The following NBEA variants were observed in gnomAD, a reference collection of about 807,000 sequenced individuals.
The protein encoded by NBEA is neurobeachin.
In NBEA, 44 loss-of-function variants were observed where a neutral mutation model predicts 343.4. The observed-to-expected ratio is 0.13, with a 90% CI of 0.10 to 0.16. The LOEUF is 0.16. Among genes scored for constraint, NBEA ranks in the 10% least tolerant of loss-of-function variants. The probability of loss-of-function intolerance (pLI) is 1.00; values close to 1 mark genes in which losing one functional copy is unlikely to be tolerated. For synonymous variants in NBEA, 1,175 were observed against 1,238.7 expected (o/e 0.95, Z 1.08); for missense variants, 2,555 against 3,631.3 (o/e 0.70, Z 7.62).
rs1218041280 is a variant in NBEA at position 35,069,825 on chromosome 13, T to C, written c.1240-83T>C. 9.5e-6 allele frequency: 9 copies of C among 952,046 alleles called. No individual in the cohort carries two copies. In the East Asian group the frequency reaches 1.9e-4, roughly 20 times the overall value. The allele number at this position is 952,046 out of a possible 1,614,324, so 59.0% of individuals were successfully genotyped here. A position where few individuals can be genotyped will look rare whatever the true frequency, so the allele number is the denominator to read the frequency against. On this transcript the variant is annotated intron_variant, in intron 8 of 58. Coordinates refer to ENST00000379939, the MANE Select transcript of NBEA (RefSeq NM_001385012.1). ...TGAAAGGTACACAAGTAGTTTATTA[T>C]TGTAAATGTTTCTCTGCTTTAAAAC...
chr13:34,963,295 T>C (rs908265629), intron 1 of NBEA, among the ~76,000 whole-genome samples: 3 of 152,036 alleles, frequency 2.0e-5, no homozygotes, highest in Non-Finnish European at 4.4e-5. Flanking sequence ...TTTGTCTTCA[T>C]ATGTGCTTTC....
At chr13:35,223,311 T>A (rs1369947819) in intron 33 of NBEA, among the ~76,000 whole-genome samples, 1 of 152,218 alleles carries the variant, frequency 6.6e-6, no homozygotes, top group East Asian at 1.9e-4. Context: ...TTAAAAGTAT[T>A]CGTAGTACAA....
chr13:35,112,061 C>A (rs963687790), intron 13 of NBEA, among the ~76,000 whole-genome samples: 3 of 151,510 alleles, frequency 2.0e-5, no homozygotes, highest in East Asian at 3.9e-4. Flanking sequence ...GGACTACAGG[C>A]GCCTGCCAGC....
At chr13:35,566,229 CG>C (rs747288376) in intron 44 of NBEA, among the ~76,000 whole-genome samples, 17 of 151,980 alleles carry the variant, frequency 1.1e-4, no homozygotes, top group Admixed American at 2.6e-4. Flanking sequence ...GGTGCGGTGG[CG>C]CGTGCCTGTA....
At chr13:34,965,371 T>TGAA (rs2152494584) in intron 1 of NBEA, among the ~76,000 whole-genome samples, 1 of 151,992 alleles carries the variant, frequency 6.6e-6, no homozygotes, top group African/African-American at 2.4e-5. Context: ...TGTGACTGAG[T>TGAA]GAAAGTGTGT....
At chr13:35,437,190 G>A (rs979876216) in intron 39 of NBEA, among the ~76,000 whole-genome samples, 4 of 152,012 alleles carry the variant, frequency 2.6e-5, no homozygotes, top group African/African-American at 7.2e-5. Context: ...ATTTTCATGT[G>A]ATGGGAAGGA....
intron 31 of NBEA, among the ~76,000 whole-genome samples, chr13:35,204,273 G>A (rs903390894): frequency 2.6e-5 from 4 of 152,112 alleles, no homozygotes; most frequent in Non-Finnish European, 5.9e-5. Flanking sequence ...GTATTAGTTT[G>A]TTTTCACACT....
intron 45 of NBEA, among the ~76,000 whole-genome samples, chr13:35,580,923 C>G (rs1295365038): frequency 6.6e-6 from 1 of 152,026 alleles, no homozygotes; most frequent in Non-Finnish European, 1.5e-5. Context: ...TTTACTTTTC[C>G]TTTTCCAGAA....
In NBEA at chr13:35,049,749, A is replaced by G. The variant is rs190952226; in HGVS notation, c.846-520A>G. The stretch of plus-strand genomic sequence containing the variant: ...GGAAATGCTCTTGTAGAAGAAAACA[A>G]CTATATTTCATAGTTACATCTTTTT... On this transcript the variant is annotated intron_variant, in intron 5 of 58. Coordinates refer to ENST00000379939, the MANE Select transcript of NBEA (RefSeq NM_001385012.1). Among the ~76,000 whole-genome samples the G allele has an allele frequency of 3.9e-3, 599 of 152,004 alleles. 2 individuals are homozygous for G. The highest frequency in any genetic ancestry group is 6.8e-3 in the Non-Finnish European group (460 of 67,808).
At chr13:35,475,094 T>G in intron 41 of NBEA, 1 of 1,614,058 alleles carries the variant, frequency 6.2e-7, no homozygotes, top group Non-Finnish European at 8.5e-7. Flanking sequence ...TTGGTCAGGA[T>G]CTCTCTTGCC....
At chr13:34,962,058 T>G (rs577980362) in intron 1 of NBEA, among the ~76,000 whole-genome samples, 2 of 152,092 alleles carry the variant, frequency 1.3e-5, no homozygotes, top group Non-Finnish European at 2.9e-5. Context: ...TAATTTCACC[T>G]GTTTTATTTT....
At chr13:35,597,547 T>G (rs982734173) in intron 47 of NBEA, among the ~76,000 whole-genome samples, 3 of 152,112 alleles carry the variant, frequency 2.0e-5, no homozygotes, top group African/African-American at 7.2e-5. Flanking sequence ...TACTGAATAG[T>G]TTTCAAACAT....
At chr13:35,658,371 G>C (rs879309141) in intron 55 of NBEA, among the ~76,000 whole-genome samples, 2 of 152,076 alleles carry the variant, frequency 1.3e-5, no homozygotes, top group Non-Finnish European at 2.9e-5. Flanking sequence ...GTGAACATAC[G>C]TAGTATGGTA....
intron 1 of NBEA, among the ~76,000 whole-genome samples, chr13:34,965,401 C>T (rs2059788873): frequency 6.6e-6 from 1 of 151,942 alleles, no homozygotes; most frequent in African/African-American, 2.4e-5. Flanking sequence ...CACAGTATCA[C>T]AGAGAAGAAA....
At chr13:34,996,424 G>C (rs1238755081) in intron 1 of NBEA, among the ~76,000 whole-genome samples, 1 of 152,000 alleles carries the variant, frequency 6.6e-6, no homozygotes, top group Non-Finnish European at 1.5e-5. Flanking sequence ...GCTAATATCT[G>C]AAATGGTAGT....
At chr13:35,437,040 T>C (rs904018520) in intron 39 of NBEA, among the ~76,000 whole-genome samples, 1 of 152,214 alleles carries the variant, frequency 6.6e-6, no homozygotes, top group Non-Finnish European at 1.5e-5. Flanking sequence ...AAGTATACTG[T>C]AGTTCAAGAA....
chr13:35,486,106 G>A (rs1349890517), intron 41 of NBEA, among the ~76,000 whole-genome samples: 1 of 152,018 alleles, frequency 6.6e-6, no homozygotes, highest in Non-Finnish European at 1.5e-5. Context: ...TTCTCCCACT[G>A]CTTGTACAAG....
intron 26 of NBEA, 50 bp from the exon 27 acceptor site, chr13:35,173,414 A>G: frequency 6.8e-7 from 1 of 1,465,306 alleles, no homozygotes; most frequent in Admixed American, 2.2e-5. Flanking sequence ...TTTCCAGGAT[A>G]TCAAAGTCAA....
At chr13:35,109,534 A>C in intron 12 of NBEA, 92 bp downstream of exon 12, 4 of 1,161,582 alleles carry the variant, frequency 3.4e-6, no homozygotes, top group Non-Finnish European at 4.5e-6. Context: ...ACATTTGAAC[A>C]TTTTAGCTTA....
Sources: allele counts gnomAD v4.1 joint callset (sites outside exome capture counted in the v4.1 genomes callset), GRCh38; gene constraint gnomAD v4.1.1; transcripts MANE v1.5; gene names NCBI Gene and HGNC (gene_info 2026-07-23, HGNC 2026-07-21).